FSTL4: variants seen among roughly 807,000 people sequenced by gnomAD.
FSTL4 encodes the protein follistatin-related protein 4.
A neutral mutation model predicts 78.2 loss-of-function variants in FSTL4; 28 were observed. That is an observed-to-expected ratio of 0.36 (90% CI 0.27 to 0.49). FSTL4 has a LOEUF of 0.49. Among genes scored for constraint, FSTL4 ranks in the 20% least tolerant of loss-of-function variants. The pLI, the probability that FSTL4 is intolerant of heterozygous loss-of-function variation, is 0.98. For missense variants in FSTL4, 922 were observed against 1,084.9 expected (o/e 0.85, Z 2.11); for synonymous variants, 422 against 440.5 (o/e 0.96, Z 0.53).
At chr5:133,449,410 G>A (rs1757335916) in intron 3 of FSTL4, among the ~76,000 whole-genome samples, 1 of 152,232 alleles carries the variant, frequency 6.6e-6, no homozygotes. Flanking sequence ...GCATGACACT[G>A]TCAGCTGAAA....
the FSTL4 span, among the ~76,000 whole-genome samples, chr5:133,816,560 A>T: frequency 2.0e-5 from 3 of 152,146 alleles, no homozygotes; most frequent in Non-Finnish European, 4.4e-5. Context: ...CAACTCCCAG[A>T]TAACCCCCAG....
chr5:133,252,867 C>T (rs569752483), intron 6 of FSTL4, among the ~76,000 whole-genome samples: 4 of 152,192 alleles, frequency 2.6e-5, no homozygotes, highest in Non-Finnish European at 4.4e-5. Flanking sequence ...CCTCTGCTGG[C>T]TGGGATAACT....
intron 3 of FSTL4, among the ~76,000 whole-genome samples, chr5:133,468,106 G>A (rs1171488379): frequency 6.6e-6 from 1 of 152,174 alleles, no homozygotes; most frequent in Non-Finnish European, 1.5e-5. Context: ...TTACTTGGTA[G>A]CCTGTTTGTA....
intron 6 of FSTL4, among the ~76,000 whole-genome samples, chr5:133,281,448 GA>G (rs1753008375): frequency 6.6e-6 from 1 of 152,092 alleles, no homozygotes; most frequent in African/African-American, 2.4e-5. Context: ...TGAACCCTCA[GA>G]ACAATGTTTC....
At chr5:133,719,424 C>T in the FSTL4 span, among the ~76,000 whole-genome samples, 1 of 152,070 alleles carries the variant, frequency 6.6e-6, no homozygotes, top group Admixed American at 6.5e-5. Flanking sequence ...AATCCCAGCA[C>T]TTTGGGAGGC....
At chr5:133,683,973 G>T in the FSTL4 span, among the ~76,000 whole-genome samples, 1 of 152,160 alleles carries the variant, frequency 6.6e-6, no homozygotes, top group Non-Finnish European at 1.5e-5. Flanking sequence ...TGCCTCATCC[G>T]CAGTGATTGC....
At chr5:133,403,156 C>T (rs138560110) in intron 3 of FSTL4, among the ~76,000 whole-genome samples, 44 of 152,334 alleles carry the variant, frequency 2.9e-4, no homozygotes, top group African/African-American at 1.1e-3. Flanking sequence ...AAGACAGGGC[C>T]AGGACGCAGA....
At chr5:133,579,965 G>A (rs187987143) in intron 2 of FSTL4, among the ~76,000 whole-genome samples, 1,595 of 152,278 alleles carry the variant, frequency 0.01, 20 homozygotes, top group Middle Eastern at 0.017. Flanking sequence ...GGGCCGGCTG[G>A]GAGCAGGACT....
chr5:133,778,999 C>T, the FSTL4 span, among the ~76,000 whole-genome samples: 6 of 152,210 alleles, frequency 3.9e-5, no homozygotes, highest in Non-Finnish European at 7.3e-5. Context: ...CTTCTTGTCT[C>T]TATGGTGGGG....
At chr5:133,256,758 G>A (rs1022871908) in intron 6 of FSTL4, among the ~76,000 whole-genome samples, 2 of 152,218 alleles carry the variant, frequency 1.3e-5, no homozygotes, top group African/African-American at 4.8e-5. Context: ...ACACAAGAGA[G>A]CACTTGCATC....
Position 133,225,190 on chromosome 5 carries a change from A to G in FSTL4, c.1272T>C (p.Asp424=), listed in dbSNP as rs1192876222. The change falls in exon 10 of 16, where the codon GAT becomes GAC. Residue 424 remains aspartate, a synonymous_variant. Transcript: ENST00000265342. This position sits in a 1 kb window ranked among gnomAD's most constrained non-coding sequence, Gnocchi z 4.6. ...IAKNEVGVDE[D]ISSLFIEDSA... is the part of the protein sequence containing the mutation. ...AGTCTTCAATGAAGAGCGAGGAGAT[A>G]TCTTCATCCACACCCACTTCATTTT... 3.7e-6 allele frequency: 6 copies of G among 1,614,108 alleles called. No homozygotes were observed. The highest frequency in any genetic ancestry group is 3.3e-5 in the Admixed American group (2 of 60,016).
chr5:133,588,405 C>A (rs1382261733), intron 2 of FSTL4, among the ~76,000 whole-genome samples: 2 of 64,372 alleles, frequency 3.1e-5, no homozygotes, highest in East Asian at 1.0e-3. Flanking sequence ...GGGCTAATAT[C>A]CAGAATCTAC....
chr5:133,802,897 C>T, the FSTL4 span, among the ~76,000 whole-genome samples: 2 of 152,168 alleles, frequency 1.3e-5, no homozygotes, highest in African/African-American at 4.8e-5. Context: ...CACAACTTAG[C>T]AAGGCGTCTC....
chr5:133,255,384 G>A (rs201445587), intron 6 of FSTL4, among the ~76,000 whole-genome samples: 2 of 152,232 alleles, frequency 1.3e-5, no homozygotes, highest in East Asian at 3.8e-4. Flanking sequence ...AATCTGAGGA[G>A]GGCAAGGGAG....
intron 7 of FSTL4, among the ~76,000 whole-genome samples, chr5:133,240,241 A>G (rs1234854424): frequency 6.6e-6 from 1 of 152,214 alleles, no homozygotes. Context: ...ACTCACTGCG[A>G]GGGTCCGCGG....
At chr5:133,652,441 A>T in the FSTL4 span, among the ~76,000 whole-genome samples, 1 of 152,044 alleles carries the variant, frequency 6.6e-6, no homozygotes, top group African/African-American at 2.4e-5. Context: ...AATTTTGATA[A>T]GTTGTGTTTT....
chr5:133,254,830 G>A (rs1323306056), intron 6 of FSTL4, among the ~76,000 whole-genome samples: 1 of 152,216 alleles, frequency 6.6e-6, no homozygotes, highest in Non-Finnish European at 1.5e-5. Flanking sequence ...GATGGCGAGG[G>A]TCTGGAATTT....
chr5:133,821,194 C>T, the FSTL4 span, among the ~76,000 whole-genome samples: 11 of 152,168 alleles, frequency 7.2e-5, no homozygotes, highest in African/African-American at 2.4e-4. Flanking sequence ...AAATAATATT[C>T]TTCTGATTAG....
intron 4 of FSTL4, among the ~76,000 whole-genome samples, chr5:133,318,694 C>T (rs934875397): frequency 2.0e-5 from 3 of 152,218 alleles, no homozygotes; most frequent in Non-Finnish European, 2.9e-5. Flanking sequence ...TCAGAAACAC[C>T]GGTGGACAAT....
Sources: gnomAD v4.1 joint callset for allele counts (sites outside exome capture counted in the v4.1 genomes callset) on GRCh38, gnomAD v4.1.1 for gene constraint, Gnocchi (gnomAD v3.1) non-coding constraint, MANE v1.5 for transcripts, NCBI Gene and HGNC (gene_info 2026-07-23, HGNC 2026-07-21) for gene names.